AGBL1: variants seen among roughly 807,000 people sequenced by gnomAD.
AGBL1 encodes AGBL carboxypeptidase 1, also known as cytosolic carboxypeptidase 4.
In AGBL1, 130 loss-of-function variants were observed where a neutral mutation model predicts 118.9. The ratio of observed to expected loss-of-function variants is 1.09; its 90% CI spans 0.95 to 1.26. The LOEUF (loss-of-function observed/expected upper bound fraction) is 1.26, where lower values mean the gene tolerates loss of function less well. Among genes scored for constraint, AGBL1 ranks in the 50% most tolerant of loss-of-function variants. The pLI, the probability that AGBL1 is intolerant of heterozygous loss-of-function variation, is 0.00. For missense variants in AGBL1, 1,584 were observed against 1,298.1 expected (o/e 1.22, Z -3.38); for synonymous variants, 555 against 478.9 (o/e 1.16, Z -2.08).
At chr15:86,602,733 G>A (rs1427804488) in intron 21 of AGBL1, among the ~76,000 whole-genome samples, 1 of 152,132 alleles carries the variant, frequency 6.6e-6, no homozygotes, top group Non-Finnish European at 1.5e-5. Context: ...GACTTAACTA[G>A]GGAAACGTCT....
chr15:86,321,324 G>A (rs1349819111), intron 17 of AGBL1, among the ~76,000 whole-genome samples: 1 of 152,032 alleles, frequency 6.6e-6, no homozygotes, highest in East Asian at 1.9e-4. Context: ...AAACAAGTTT[G>A]ACAAGTTGTC....
intron 24 of AGBL1, among the ~76,000 whole-genome samples, chr15:87,021,975 C>A (rs1000748110): frequency 2.6e-5 from 4 of 152,126 alleles, no homozygotes; most frequent in African/African-American, 4.8e-5. Flanking sequence ...TCACAGGACT[C>A]TGCAGAAAAT....
At chr15:86,297,919 C>T (rs36068071) in intron 17 of AGBL1, among the ~76,000 whole-genome samples, 6,745 of 152,190 alleles carry the variant, frequency 0.044, 173 homozygotes, top group South Asian at 0.075. Context: ...AACTTCCTCT[C>T]TTCCTCATTC....
At chr15:86,156,932 G>T (rs1250518813) in intron 4 of AGBL1, among the ~76,000 whole-genome samples, 1 of 151,570 alleles carries the variant, frequency 6.6e-6, no homozygotes, top group Admixed American at 6.6e-5. Flanking sequence ...TGGGATTACA[G>T]TTGTGCACTA....
chr15:86,752,185 C>G (rs77277633), intron 22 of AGBL1, among the ~76,000 whole-genome samples: 1 of 152,020 alleles, frequency 6.6e-6, no homozygotes, highest in East Asian at 1.9e-4. Context: ...AGGATGGAGA[C>G]CAAAAGGCTA....
intron 21 of AGBL1, among the ~76,000 whole-genome samples, chr15:86,591,818 A>T (rs1229066113): frequency 2.6e-5 from 4 of 152,222 alleles, no homozygotes; most frequent in Non-Finnish European, 4.4e-5. Context: ...TCTCCCTAAA[A>T]GTTAGGAGTG....
chr15:86,116,050 A>G (rs62012433), intron 1 of AGBL1, among the ~76,000 whole-genome samples: 27,430 of 152,092 alleles, frequency 0.18, 2,537 homozygotes, highest in East Asian at 0.26. Flanking sequence ...GAGAACAATA[A>G]TAAAATTGAC....
At chr15:86,151,301 TA>T (rs199623183) in intron 3 of AGBL1, among the ~76,000 whole-genome samples, 55,058 of 128,534 alleles carry the variant, frequency 0.43, 10,740 homozygotes, top group South Asian at 0.51. Flanking sequence ...AAAGTGTAAT[TA>T]AAAAAAAAAA....
chr15:86,932,931 G>A (rs2080623339), intron 23 of AGBL1: 1 of 151,938 alleles, frequency 6.6e-6, no homozygotes, highest in African/African-American at 2.4e-5. Flanking sequence ...AGAATTGTTA[G>A]TCAGCTGTCA....
At chr15:86,705,124 G>C (rs1034769580) in intron 22 of AGBL1, among the ~76,000 whole-genome samples, 1 of 152,110 alleles carries the variant, frequency 6.6e-6, no homozygotes, top group Non-Finnish European at 1.5e-5. Context: ...CACACACTGG[G>C]CCCTGTCAGT....
Position 86,414,368 on chromosome 15 carries a change from A to G in AGBL1, c.2555+16822A>G, listed in dbSNP as rs534912815. 4.9e-4 allele frequency among the ~76,000 whole-genome samples: 74 copies of G among 152,232 alleles called. No homozygotes were observed. The South Asian group carries it at 0.014, about 29-fold the overall frequency. On this transcript the variant is annotated intron_variant, in intron 18 of 22. Transcript: ENST00000614907. ...AAAGAGTTCTGTGTAGAGATGGTCAAAACATCACAAATATTTTAGCCTGTC... is the reference window on the plus strand; with the variant it reads ...AAAGAGTTCTGTGTAGAGATGGTCAGAACATCACAAATATTTTAGCCTGTC...
chr15:86,593,147 G>A (rs2084361265), intron 21 of AGBL1, among the ~76,000 whole-genome samples: 1 of 152,098 alleles, frequency 6.6e-6, no homozygotes, highest in Admixed American at 6.5e-5. Flanking sequence ...TGGTCACAGG[G>A]AGGCCCTTCA....
chr15:86,450,232 T>G (rs1461471751), intron 18 of AGBL1, among the ~76,000 whole-genome samples: 1 of 152,254 alleles, frequency 6.6e-6, no homozygotes, highest in Non-Finnish European at 1.5e-5. Flanking sequence ...AAGGCAGTAA[T>G]GCTTATCCTT....
At position 86,576,735 on chromosome 15, in the gene AGBL1, C is replaced by T. The variant is rs984933730; in HGVS notation, c.2994+22198C>T. Among the ~76,000 whole-genome samples, 16 of 152,018 alleles carry T rather than the reference C, an allele frequency of 1.1e-4. 2 individuals are homozygous for T. Among genetic ancestry groups the T allele is most frequent in the Admixed American group, 1.0e-3 (16 of 15,264 alleles). ...ATTGAATCATAGGGACAGGTTTGTC[C>T]CATGCTGTTCTTGTGATAGTGAGTA... On this transcript the variant is annotated intron_variant, in intron 21 of 22. Transcript: ENST00000614907.
chr15:86,211,629 T>A (rs192726602), intron 5 of AGBL1, among the ~76,000 whole-genome samples: 75 of 152,304 alleles, frequency 4.9e-4, no homozygotes, highest in Non-Finnish European at 9.6e-4. Flanking sequence ...GATCTGTGGG[T>A]ATGGGACTTG....
intron 1 of AGBL1, among the ~76,000 whole-genome samples, chr15:86,112,471 T>TG (rs1897452033): frequency 6.6e-6 from 1 of 152,260 alleles, no homozygotes; most frequent in Non-Finnish European, 1.5e-5. Flanking sequence ...GATTGAACAT[T>TG]GTTCCATTGT....
intron 22 of AGBL1, among the ~76,000 whole-genome samples, chr15:86,842,688 A>G (rs576211211): frequency 1.3e-5 from 2 of 152,294 alleles, no homozygotes; most frequent in African/African-American, 4.8e-5. Context: ...GCTCATTCCA[A>G]TTAGTACTGA....
intron 22 of AGBL1, among the ~76,000 whole-genome samples, chr15:86,843,432 A>G (rs549073927): frequency 1.3e-5 from 2 of 152,264 alleles, no homozygotes; most frequent in East Asian, 1.9e-4. Context: ...AAAAAGAGAT[A>G]GGGGTTGGAT....
chr15:86,231,170 A>T (rs561171690), intron 6 of AGBL1, among the ~76,000 whole-genome samples: 1 of 152,226 alleles, frequency 6.6e-6, no homozygotes, highest in South Asian at 2.1e-4. Context: ...GTGTATGCAT[A>T]TTTTTCCTAC....
Sources: gnomAD v4.1 joint callset for allele counts (sites outside exome capture counted in the v4.1 genomes callset) on GRCh38, gnomAD v4.1.1 for gene constraint, MANE v1.5 for transcripts, NCBI Gene and HGNC (gene_info 2026-07-23, HGNC 2026-07-21) for gene names.